The following THSD7A variants were observed in gnomAD, a reference collection of about 807,000 sequenced individuals.
THSD7A encodes thrombospondin type 1 domain containing 7A, also known as thrombospondin type-1 domain-containing protein 7A.
A neutral mutation model predicts 231.3 loss-of-function variants in THSD7A; 96 were observed. The ratio of observed to expected loss-of-function variants is 0.41; its 90% confidence interval spans 0.35 to 0.49. THSD7A has a LOEUF of 0.49. THSD7A is among the 20% of genes least tolerant of loss of function. The pLI is 0.05. For synonymous variants in THSD7A, 940 were observed against 743.3 expected (o/e 1.26, Z -4.30); for missense variants, 2,290 against 2,070.2 (o/e 1.11, Z -2.06).
intron 2 of THSD7A, among the ~76,000 whole-genome samples, chr7:11,626,799 TAAC>T (rs1015019271): frequency 2.6e-5 from 4 of 152,248 alleles, no homozygotes; most frequent in African/African-American, 9.6e-5. Context: ...AAAGAAAATA[TAAC>T]AACAGCAATT....
intron 1 of THSD7A, among the ~76,000 whole-genome samples, chr7:11,664,786 C>T (rs1414686146): frequency 6.6e-6 from 1 of 151,968 alleles, no homozygotes; most frequent in Non-Finnish European, 1.5e-5. Context: ...TTTACTGAGA[C>T]CCCAGACAAT....
chr7:11,529,949 A>C (rs1419615472), intron 6 of THSD7A, among the ~76,000 whole-genome samples: 1 of 152,180 alleles, frequency 6.6e-6, no homozygotes, highest in African/African-American at 2.4e-5. Flanking sequence ...TTTAGCATAT[A>C]TTAACTCATT....
intron 7 of THSD7A, among the ~76,000 whole-genome samples, chr7:11,475,606 A>C (rs1378952700): frequency 2.0e-5 from 3 of 146,542 alleles, no homozygotes; most frequent in Admixed American, 6.8e-5. Context: ...ACATATATAT[A>C]ACATATATAA....
In THSD7A at chr7:11,636,775, A is replaced by G. The variant is rs758359305; in HGVS notation, c.377T>C (p.Leu126Pro). 6.2e-7 allele frequency: 1 copy of G among 1,613,976 alleles called. No individual in the cohort carries two copies. ...GGGCTGACACTGATTCCAAGGTCCC[A>G]GTCTCCAGTCGTACAACTCTTTGTG... Reference protein sequence around the residue: ...DWHKELYDWRLGPWNQCQPVI... With the variant: ...DWHKELYDWRPGPWNQCQPVI... The change falls in exon 2 of 28, where the codon CTG (leucine) becomes CCG (proline). Residue 126 changes from leucine to proline, a missense_variant. Physicochemically the swap from Leu to Pro is moderately conservative, Grantham distance 98 (BLOSUM62 -3). Transcript: ENST00000423059. The surrounding 1 kb of genome is among the most constrained non-coding windows in gnomAD (Gnocchi z 10.0).
chr7:11,607,536 C>A (rs1196057060), intron 2 of THSD7A, among the ~76,000 whole-genome samples: 1 of 151,366 alleles, frequency 6.6e-6, no homozygotes, highest in African/African-American at 2.4e-5. Context: ...TCAGATTGAA[C>A]CTTTAAAAAA....
chr7:11,518,182 T>C (rs1469134300), intron 6 of THSD7A, among the ~76,000 whole-genome samples: 1 of 152,188 alleles, frequency 6.6e-6, no homozygotes. Context: ...CCCCACATTA[T>C]GTACTATCTT....
chr7:11,421,387 C>T (rs1205016733), intron 16 of THSD7A, among the ~76,000 whole-genome samples: 1 of 152,158 alleles, frequency 6.6e-6, no homozygotes, highest in Non-Finnish European at 1.5e-5. Flanking sequence ...ATGCTTGCTT[C>T]TGCTTCACCC....
rs1432303306 is a variant in THSD7A at position 11,429,212 on chromosome 7, C to T, written c.3065-87G>A. ...CACTATTCTAGGTCATTTAGAAGGT[C>T]CAAGACTGACTTGACAGCAGCATGC... On this transcript the variant is annotated intron_variant, in intron 13 of 27. Transcript: ENST00000423059. 15 of 1,322,940 alleles carry T rather than the reference C, an allele frequency of 1.1e-5. No homozygotes were observed. The Admixed American group carries it at 3.2e-4, about 28-fold the overall frequency. 82.0% of individuals were successfully genotyped at this position (1,322,940 alleles called of 1,614,324 possible).
At chr7:11,452,995 T>C (rs1785192920) in intron 11 of THSD7A, among the ~76,000 whole-genome samples, 1 of 152,030 alleles carries the variant, frequency 6.6e-6, no homozygotes, top group Non-Finnish European at 1.5e-5. Context: ...CTCTTTTTCC[T>C]ACCTAGTTCT....
intron 19 of THSD7A, chr7:11,410,450 T>C (rs887118724): frequency 6.6e-6 from 1 of 152,342 alleles, no homozygotes; most frequent in South Asian, 2.1e-4. Context: ...TCCAGATCTA[T>C]TGAGGCTCCT....
chr7:11,450,937 C>G (rs1222720904), intron 11 of THSD7A, among the ~76,000 whole-genome samples: 1 of 151,936 alleles, frequency 6.6e-6, no homozygotes, highest in Non-Finnish European at 1.5e-5. Context: ...ATATTTAACT[C>G]TGTTAATTAT....
Position 11,674,963 on chromosome 7 carries a change from C to A in THSD7A, c.191-38002G>T, listed in dbSNP as rs539233064. On this transcript the variant is annotated intron_variant, in intron 1 of 27. Transcript: ENST00000423059. ...ATGACATAGCTATGTTAAGAAAGAA[C>A]CAGATTCCTAGACAAGATGGCCGAA... Among the ~76,000 whole-genome samples, 6 of 152,254 alleles carry A rather than the reference C, an allele frequency of 3.9e-5. 1 individual carries two copies. The highest frequency in any genetic ancestry group is 1.4e-4 in the African/African-American group (6 of 41,572).
chr7:11,787,641 A>G (rs1457308962), intron 1 of THSD7A, among the ~76,000 whole-genome samples: 1 of 152,122 alleles, frequency 6.6e-6, no homozygotes, highest in African/African-American at 2.4e-5. Flanking sequence ...GATGGCAAAT[A>G]AGCATATGAA....
At chr7:11,686,582 C>A (rs1584211750) in intron 1 of THSD7A, among the ~76,000 whole-genome samples, 1 of 151,788 alleles carries the variant, frequency 6.6e-6, no homozygotes, top group East Asian at 2.0e-4. Context: ...TGAAATCAAC[C>A]TAGGTGTCCA....
chr7:11,724,106 C>G (rs959186762), intron 1 of THSD7A, among the ~76,000 whole-genome samples: 5 of 151,896 alleles, frequency 3.3e-5, no homozygotes, highest in Non-Finnish European at 5.9e-5. Context: ...AAAAATTGAG[C>G]TCTTATGATA....
In THSD7A at chr7:11,444,607, T is replaced by C. The variant is rs1043925831; in HGVS notation, c.3064+1454A>G. On this transcript the variant is annotated intron_variant, in intron 13 of 27. Coordinates refer to ENST00000423059, the MANE Select transcript of THSD7A (RefSeq NM_015204.3). This position sits in a 1 kb window ranked among gnomAD's most constrained non-coding sequence, Gnocchi z 4.2. ...TCACACACCGGGGTCTGTCAGGGGA[T>C]GGGGGGCAGTGGAGGGATAGCATCA... Among the ~76,000 whole-genome samples, 1 of 151,390 alleles carries C rather than the reference T, an allele frequency of 6.6e-6. No individual in the cohort carries two copies. Among genetic ancestry groups the C allele is most frequent in the Non-Finnish European group, 1.5e-5 (1 of 67,860 alleles).
intron 1 of THSD7A, among the ~76,000 whole-genome samples, chr7:11,716,946 G>A (rs746705004): frequency 2.0e-5 from 3 of 151,510 alleles, no homozygotes; most frequent in Non-Finnish European, 3.0e-5. Flanking sequence ...TACCCTTTAT[G>A]AAATAGAACC....
At chr7:11,646,008 C>T (rs1046491371) in intron 1 of THSD7A, among the ~76,000 whole-genome samples, 2 of 151,868 alleles carry the variant, frequency 1.3e-5, no homozygotes, top group Non-Finnish European at 2.9e-5. Context: ...TGAGTAAAGT[C>T]TCATGCAAAT....
intron 1 of THSD7A, among the ~76,000 whole-genome samples, chr7:11,694,534 C>A (rs778781287): frequency 3.3e-5 from 5 of 151,508 alleles, no homozygotes; most frequent in Non-Finnish European, 5.9e-5. Context: ...AGTGATGCTA[C>A]CTTGCAGAGA....
Sources: gnomAD v4.1 joint callset for allele counts (sites outside exome capture counted in the v4.1 genomes callset) on GRCh38, gnomAD v4.1.1 for gene constraint, Gnocchi (gnomAD v3.1) non-coding constraint, MANE v1.5 for transcripts, NCBI Gene and HGNC (gene_info 2026-07-23, HGNC 2026-07-21) for gene names.